Variants in DELE1 observed in about 807,000 individuals in gnomAD.
The protein encoded by DELE1 is DAP3 binding cell death enhancer 1.
Under a neutral mutation model 59.3 loss-of-function variants are expected in DELE1, and 54 were observed. The ratio of observed to expected loss-of-function variants is 0.91; its 90% confidence interval spans 0.73 to 1.14. DELE1 has a LOEUF of 1.14. Ranked by LOEUF, DELE1 falls within the 50% of genes most tolerant of loss-of-function variation. The pLI is 0.00. For synonymous variants in DELE1, 264 were observed against 259.1 expected (o/e 1.02, Z -0.18); for missense variants, 636 against 643.9 (o/e 0.99, Z 0.13).
chr5:141,929,946 C>T (rs1395251863), intron 5 of DELE1, 43 bp from the exon 6 acceptor site: 1 of 1,582,534 alleles, frequency 6.3e-7, no homozygotes. Context: ...AGAAGTACAA[C>T]TTTCTCCTTT....
At position 141,938,654 on chromosome 5, in the gene DELE1, C is replaced by T. The variant is rs749305912; in HGVS notation, c.1443C>T (p.Leu481=). 8.1e-6 allele frequency: 13 copies of T among 1,614,048 alleles called. No homozygotes were observed. In the South Asian group the frequency reaches 1.2e-4, roughly 15 times the overall value. ...CGAGCACAGGCAACCTTGGCCTCCT[C>T]TGCAGAAGTGGGCATCTCGGAGCCA... The part of the protein sequence containing the change: ...HASSTGNLGL[L]CRSGHLGASL... Residue 481 remains leucine (L), a synonymous_variant, in exon 12 of 12, where the codon CTC becomes CTT. Coordinates refer to ENST00000432126, the MANE Select transcript of DELE1 (RefSeq NM_014773.5).
At position 141,925,777 on chromosome 5, in the gene DELE1, G is replaced by A. The variant is rs190165821; in HGVS notation, c.264+250G>A. Among the ~76,000 whole-genome samples, 18 of 152,254 alleles carry A rather than the reference G, an allele frequency of 1.2e-4. No homozygotes were observed. The East Asian group carries it at 3.3e-3, about 28-fold the overall frequency. On this transcript the variant is annotated intron_variant, in intron 3 of 11. Coordinates refer to ENST00000432126, the MANE Select transcript of DELE1 (RefSeq NM_014773.5). Reference sequence around the variant, plus strand: ...GCCAGGCATTTTTGCTAGTCACTACGGACATAGCAGAGAACAAGATAGATA... The same window carrying A: ...GCCAGGCATTTTTGCTAGTCACTACAGACATAGCAGAGAACAAGATAGATA...
chr5:141,941,995 G>A lies in DELE1; in HGVS notation c.*3236G>A. On this transcript the variant is annotated 3_prime_UTR_variant, in exon 12 of 12. Transcript: ENST00000432126. Reference sequence around the variant, plus strand: ...CGCACACACACACACACGGTTTCCTGTGCTACTTCTGGCACTTAGTAATTA... The same window carrying A: ...CGCACACACACACACACGGTTTCCTATGCTACTTCTGGCACTTAGTAATTA... 1 of 985,336 alleles carries A rather than the reference G, an allele frequency of 1.0e-6. No individual in the cohort carries two copies. Among genetic ancestry groups the A allele is most frequent in the African/African-American group, 1.7e-5 (1 of 57,298 alleles). 61.0% of individuals were successfully genotyped at this position (985,336 alleles called of 1,614,324 possible).
chr5:141,925,326 G>T (rs879802404), intron 2 of DELE1, 84 bp from the exon 3 acceptor site: 5 of 821,070 alleles, frequency 6.1e-6, no homozygotes, highest in Non-Finnish European at 1.9e-6. Context: ...CTCCCAAATT[G>T]TTGGGATTAC....
rs2126907652 is a variant in DELE1 at position 141,940,732 on chromosome 5, C to T, written c.*1973C>T. On this transcript the variant is annotated 3_prime_UTR_variant, in exon 12 of 12. Transcript: ENST00000432126. ...ATGGCCACCTTCCACAGATGGCACT[C>T]CTTGGGAGCAGGGTCCTTGTCTTTG... 1 of 972,768 alleles carries T rather than the reference C, an allele frequency of 1.0e-6. No homozygotes were observed. Among genetic ancestry groups the T allele is most frequent in the Non-Finnish European group, 1.2e-6 (1 of 818,440 alleles). 60.3% of individuals were successfully genotyped at this position (972,768 alleles called of 1,614,324 possible).
In DELE1 at chr5:141,940,236, A is replaced by G. The variant is rs1032323529; in HGVS notation, c.*1477A>G. On this transcript the variant is annotated 3_prime_UTR_variant, in exon 12 of 12. Transcript: ENST00000432126. ...AGCTGAGGCTCCGTCCTCATCTCTA[A>G]ACTCTCCACTAACCAATTTAAAGGA... The G allele has an allele frequency of 2.0e-6, 2 of 985,440 alleles. No homozygotes were observed. The highest frequency in any genetic ancestry group is 2.4e-6 in the Non-Finnish European group (2 of 829,946). The allele number at this position is 985,440 out of a possible 1,614,324, so 61.0% of individuals were successfully genotyped here. A position where few individuals can be genotyped will look rare whatever the true frequency, so the allele number is the denominator to read the frequency against.
chr5:141,934,352 G>A lies in DELE1; in HGVS notation c.1010G>A (p.Arg337Lys), dbSNP rs201992777. The A allele has an allele frequency of 5.0e-6, 8 of 1,614,226 alleles. No homozygotes were observed. The highest frequency in any genetic ancestry group is 4.5e-5 in the East Asian group (2 of 44,882). Residue 337 changes from arginine to lysine, a missense_variant, in exon 9 of 12, where the codon AGG (arginine) becomes AAG (lysine). By Grantham distance (26) the Arg-to-Lys change is conservative (BLOSUM62 2). Transcript: ENST00000432126. ...TCTTCGTGGAACCCTGAGCGGCAGA[G>A]GGCAGTGTCCTTGCTGAAGCAGGCT... ...PASSWNPERQRAVSLLKQAAD... is the reference protein window; with the variant it reads ...PASSWNPERQKAVSLLKQAAD...
Position 141,925,520 on chromosome 5 carries a change from T to C in DELE1, c.257T>C (p.Ile86Thr). The C allele has an allele frequency of 6.3e-7, 1 of 1,585,384 alleles. No individual in the cohort carries two copies. The highest frequency in any genetic ancestry group is 8.6e-7 in the Non-Finnish European group (1 of 1,165,052). The change falls in exon 3 of 12, where the codon ATA (isoleucine) becomes ACA (threonine). Residue 86 changes from isoleucine (I) to threonine (T), a missense_variant. Coordinates refer to ENST00000432126, the MANE Select transcript of DELE1 (RefSeq NM_014773.5). ...RVSPNTLWDA[I>T]SWGTLAVLAL... ...TCCCCGAACACCCTATGGGATGCCA[T>C]ATCTTGGGTAAGGCTTCCCCAGCCT...
At position 141,938,912 on chromosome 5, in the gene DELE1, A is replaced by C; in HGVS notation, c.*153A>C. On this transcript the variant is annotated 3_prime_UTR_variant, in exon 12 of 12. Coordinates refer to ENST00000432126, the MANE Select transcript of DELE1 (RefSeq NM_014773.5). ...ATTTCACGTACATGGCTGGTAAGTG[A>C]CTGATCTTTCCCCCCGCTTGGTAGC... The C allele has an allele frequency of 1.4e-6, 2 of 1,444,730 alleles. No individual in the cohort carries two copies. The highest frequency in any genetic ancestry group is 1.8e-6 in the Non-Finnish European group (2 of 1,103,988). 89.5% of individuals were successfully genotyped at this position (1,444,730 alleles called of 1,614,324 possible). A position where few individuals can be genotyped will look rare whatever the true frequency, so the allele number is the denominator to read the frequency against.
chr5:141,940,394 G>C lies in DELE1; in HGVS notation c.*1635G>C, dbSNP rs1013334893. The C allele has an allele frequency of 6.8e-5, 67 of 984,024 alleles. No homozygotes were observed. Among genetic ancestry groups the C allele is most frequent in the Admixed American group, 2.5e-4 (4 of 16,084 alleles). The allele number at this position is 984,024 out of a possible 1,614,324, so 61.0% of individuals were successfully genotyped here. A position where few individuals can be genotyped will look rare whatever the true frequency, so the allele number is the denominator to read the frequency against. ...ATGTTAGCCCAAGTTGAATAGCATA[G>C]ATGTGGTTGAGAGTGGGGTCTGGGA... On this transcript the variant is annotated 3_prime_UTR_variant, in exon 12 of 12. Transcript: ENST00000432126.
intron 7 of DELE1, 68 bp from the exon 8 acceptor site, chr5:141,933,191 G>A (rs1752076464): frequency 2.8e-5 from 37 of 1,332,468 alleles, no homozygotes; most frequent in Non-Finnish European, 3.3e-5. Flanking sequence ...GGAGTCTGTA[G>A]GTACCTGGCT....
At chr5:141,929,790 G>A (rs1414829829) in intron 5 of DELE1, 50 bp downstream of exon 5, 3 of 1,604,970 alleles carry the variant, frequency 1.9e-6, no homozygotes, top group South Asian at 2.2e-5. Flanking sequence ...CGGTGGTGGT[G>A]AGCTGGGCAA....
At chr5:141,935,417 T>C (rs1752274780) in intron 10 of DELE1, among the ~76,000 whole-genome samples, 1 of 152,226 alleles carries the variant, frequency 6.6e-6, no homozygotes, top group Non-Finnish European at 1.5e-5. Context: ...CCAGTATATC[T>C]TTTGAGTTGC....
In DELE1 at chr5:141,940,407, G is replaced by A; in HGVS notation, c.*1648G>A. On this transcript the variant is annotated 3_prime_UTR_variant, in exon 12 of 12. Coordinates refer to ENST00000432126, the MANE Select transcript of DELE1 (RefSeq NM_014773.5). ...TTGAATAGCATAGATGTGGTTGAGA[G>A]TGGGGTCTGGGAGGGATAGAGAGCC... 2 of 974,684 alleles carry A rather than the reference G, an allele frequency of 2.1e-6. No individual in the cohort carries two copies. Among genetic ancestry groups the A allele is most frequent in the Non-Finnish European group, 2.4e-6 (2 of 828,576 alleles). 60.4% of individuals were successfully genotyped at this position (974,684 alleles called of 1,614,324 possible). A position where few individuals can be genotyped will look rare whatever the true frequency, so the allele number is the denominator to read the frequency against.
intron 7 of DELE1, 149 bp downstream of exon 7, chr5:141,930,423 C>T: frequency 1.6e-6 from 1 of 627,816 alleles, no homozygotes; most frequent in Non-Finnish European, 2.8e-6. Flanking sequence ...TGGCAGGGAC[C>T]CATTCTTATG....
At chr5:141,924,770 T>G (rs373511142) in intron 2 of DELE1, 75 bp downstream of exon 2, 2 of 962,510 alleles carry the variant, frequency 2.1e-6, no homozygotes, top group South Asian at 1.4e-5. Flanking sequence ...TTTTGTTGTT[T>G]TTTGAGATGG....
rs112352067 is a variant in DELE1, at chr5:141,931,879, A to G, written c.755-1380A>G. Among the ~76,000 whole-genome samples the G allele has an allele frequency of 1.4e-4, 21 of 152,284 alleles. 3 individuals are homozygous for G. Among genetic ancestry groups the G allele is most frequent in the African/African-American group, 3.1e-4 (13 of 41,560 alleles). ...TTTACTTGCCCATCCCTTCATTCAT[A>G]TATTCATTTATTCAGCAAGCGCTTG... is the stretch of plus-strand genomic sequence containing the variant. On this transcript the variant is annotated intron_variant, in intron 7 of 11. Transcript: ENST00000432126.
rs775315572 is a variant in DELE1, at chr5:141,930,199, C to G, written c.679C>G (p.Leu227Val). ...CCAGGAACAAGATAAATCAAAAACTCTTTCCCTTGAGGAGGCTGTGACTTC... is the reference window on the plus strand; with the variant it reads ...CCAGGAACAAGATAAATCAAAAACTGTTTCCCTTGAGGAGGCTGTGACTTC... Reference protein sequence around the residue: ...GEKEQDKSKTLSLEEAVTSIQ... With the variant: ...GEKEQDKSKTVSLEEAVTSIQ... The change falls in exon 7 of 12, where the codon CTT becomes GTT. Residue 227 changes from leucine (L) to valine (V), a missense_variant. Leu to Val is a conservative substitution (Grantham distance 32). Transcript: ENST00000432126. 5.0e-6 allele frequency: 8 copies of G among 1,613,784 alleles called. No homozygotes were observed. The African/African-American group carries it at 6.7e-5, about 13-fold the overall frequency.
At chr5:141,927,030 C>T (rs1367113862) in intron 3 of DELE1, among the ~76,000 whole-genome samples, 4 of 152,220 alleles carry the variant, frequency 2.6e-5, no homozygotes, top group African/African-American at 9.6e-5. Flanking sequence ...CTTGTCAGGA[C>T]CCCTTTTATG....
Sources: allele counts gnomAD v4.1 joint callset (sites outside exome capture counted in the v4.1 genomes callset), GRCh38; gene constraint gnomAD v4.1.1; transcripts MANE v1.5; gene names NCBI Gene and HGNC (gene_info 2026-07-23, HGNC 2026-07-21).